The following SIL1 variants were observed in gnomAD, a reference collection of about 807,000 sequenced individuals.
SIL1 encodes SIL1 nucleotide exchange factor.
A neutral mutation model predicts 49.1 loss-of-function variants in SIL1; 40 were observed. The observed-to-expected ratio is 0.81, with a 90% CI of 0.63 to 1.06. The LOEUF is 1.06. Among genes scored for constraint, SIL1 ranks in the 50% least tolerant of loss-of-function variants. The pLI is 0.00. For synonymous variants in SIL1, 253 were observed against 250.8 expected, an observed-to-expected ratio of 1.01 and a Z score of -0.08; for missense variants, 500 against 572.6, an observed-to-expected ratio of 0.87 and a Z score of 1.29.
At chr5:139,047,063 G>T (rs76560954) in intron 4 of SIL1, among the ~76,000 whole-genome samples, 4,710 of 152,262 alleles carry the variant, frequency 0.031, 102 homozygotes, top group Middle Eastern at 0.054. Context: ...GAAGTAAATG[G>T]CCCTGTCCTT....
chr5:138,958,956 T>C (rs1008856491), intron 7 of SIL1, among the ~76,000 whole-genome samples: 17 of 152,228 alleles, frequency 1.1e-4, no homozygotes, highest in African/African-American at 4.1e-4. Flanking sequence ...TAGATTCTTA[T>C]TTAATCTATG....
intron 6 of SIL1, among the ~76,000 whole-genome samples, chr5:139,023,289 C>T (rs1421316228): frequency 2.0e-5 from 3 of 152,136 alleles, no homozygotes; most frequent in East Asian, 1.9e-4. Flanking sequence ...CTCCCCATCT[C>T]GGTCTGGGGC....
chr5:138,983,138 G>A (rs1427840155), intron 7 of SIL1, among the ~76,000 whole-genome samples: 1 of 141,910 alleles, frequency 7.0e-6, no homozygotes, highest in Non-Finnish European at 1.5e-5. Flanking sequence ...GGCAGAGGGT[G>A]CAGTGAGCCA....
intron 1 of SIL1, among the ~76,000 whole-genome samples, chr5:139,153,158 C>T (rs868549883): frequency 1.3e-4 from 20 of 152,178 alleles, no homozygotes; most frequent in African/African-American, 4.1e-4. Flanking sequence ...ATGCTGAAGA[C>T]ATCTCGTCTC....
intron 4 of SIL1, among the ~76,000 whole-genome samples, chr5:139,044,015 T>C (rs1769100873): frequency 1.3e-5 from 2 of 152,184 alleles, no homozygotes; most frequent in African/African-American, 2.4e-5. Flanking sequence ...TCAGCTCTCA[T>C]GTACCAAGGG....
intron 1 of SIL1, among the ~76,000 whole-genome samples, chr5:139,169,476 ATTTT>A (rs70982754): frequency 5.7e-5 from 8 of 139,610 alleles, no homozygotes; most frequent in Admixed American, 1.4e-4. Flanking sequence ...ATATAGATAG[ATTTT>A]TTTTTTTTTT....
intron 1 of SIL1, among the ~76,000 whole-genome samples, chr5:139,153,804 G>A (rs562310029): frequency 6.6e-5 from 10 of 152,310 alleles, no homozygotes; most frequent in East Asian, 1.9e-4. Context: ...GTGTCATAAC[G>A]GTGAGGTATC....
At chr5:139,070,882 T>A (rs1336535154) in intron 3 of SIL1, among the ~76,000 whole-genome samples, 1 of 152,080 alleles carries the variant, frequency 6.6e-6, no homozygotes, top group African/African-American at 2.4e-5. Flanking sequence ...ATAATATATA[T>A]GGGGAAATAC....
intron 7 of SIL1, among the ~76,000 whole-genome samples, chr5:138,981,350 C>T (rs894768056): frequency 1.6e-4 from 25 of 152,080 alleles, no homozygotes; most frequent in African/African-American, 6.0e-4. Context: ...AGGTTCTCAA[C>T]AGTCTCCAAA....
chr5:139,068,235 G>A (rs1403192822), intron 3 of SIL1, among the ~76,000 whole-genome samples: 2 of 152,192 alleles, frequency 1.3e-5, no homozygotes, highest in Admixed American at 6.5e-5. Flanking sequence ...CAAAGGTATT[G>A]GGAAGCAACA....
At position 139,194,212 on chromosome 5, in the gene SIL1, A is replaced by C. The variant is rs1478738125; in HGVS notation, c.-11+4057T>G. 3.9e-5 allele frequency among the ~76,000 whole-genome samples: 6 copies of C among 152,316 alleles called. No homozygotes were observed. The South Asian group carries it at 1.0e-3, about 26-fold the overall frequency. Reference sequence around the variant, plus strand: ...ACTGGATTCTGGGTACAAATTTGCAAAAGTAAGAATGCCAGGTGTAAACTC... The same window carrying C: ...ACTGGATTCTGGGTACAAATTTGCACAAGTAAGAATGCCAGGTGTAAACTC... On this transcript the variant is annotated intron_variant, in intron 1 of 9. Coordinates refer to ENST00000394817, the MANE Select transcript of SIL1 (RefSeq NM_022464.5).
At chr5:139,058,970 A>ATGTGTGTGTGTGTGTGTG (rs61070788) in intron 3 of SIL1, among the ~76,000 whole-genome samples, 5,699 of 150,300 alleles carry the variant, frequency 0.038, 119 homozygotes, top group Middle Eastern at 0.051. Flanking sequence ...AGAAATGTGT[A>ATGTGTGTGTGTGTGTGTG]TGTGTGTGTG....
chr5:139,092,584 C>A (rs570105680), intron 3 of SIL1, among the ~76,000 whole-genome samples: 1 of 152,270 alleles, frequency 6.6e-6, no homozygotes, highest in African/African-American at 2.4e-5. Context: ...CAGGAACAGG[C>A]CTTTGTTCAG....
chr5:138,988,465 C>T lies in SIL1; in HGVS notation c.767+32706G>A, dbSNP rs117657646. Among the ~76,000 whole-genome samples, 73 of 152,316 alleles carry T rather than the reference C, an allele frequency of 4.8e-4. No individual in the cohort carries two copies. The East Asian group carries it at 0.013, about 28-fold the overall frequency. On this transcript the variant is annotated intron_variant, in intron 7 of 9. Coordinates refer to ENST00000394817, the MANE Select transcript of SIL1 (RefSeq NM_022464.5). ...ATCAGTAATCACTTCTTAGACACAA[C>T]AATCAAATACCTCCTTCGTTTAAAC...
chr5:139,032,690 G>A (rs1581045121), intron 5 of SIL1, among the ~76,000 whole-genome samples: 1 of 152,086 alleles, frequency 6.6e-6, no homozygotes, highest in Admixed American at 6.6e-5. Flanking sequence ...ATCTGAACCT[G>A]GAGACTTCCT....
intron 6 of SIL1, among the ~76,000 whole-genome samples, chr5:139,023,462 T>C (rs1050567433): frequency 8.5e-5 from 13 of 152,326 alleles, no homozygotes; most frequent in Middle Eastern, 3.4e-3. Flanking sequence ...GGAAAAATGG[T>C]GGCACACAGC....
intron 3 of SIL1, among the ~76,000 whole-genome samples, chr5:139,084,099 T>C (rs1770154883): frequency 1.3e-5 from 2 of 150,526 alleles, no homozygotes; most frequent in East Asian, 3.9e-4. Flanking sequence ...TAGTATAGTT[T>C]GAAGTCAGGT....
chr5:139,024,871 C>G (rs559118179), intron 6 of SIL1, among the ~76,000 whole-genome samples: 11 of 152,328 alleles, frequency 7.2e-5, no homozygotes, highest in Admixed American at 5.9e-4. Flanking sequence ...TCTCTCTGAG[C>G]TGTATGTACT....
intron 3 of SIL1, among the ~76,000 whole-genome samples, chr5:139,086,643 C>T (rs1022544235): frequency 1.6e-4 from 25 of 151,740 alleles, no homozygotes; most frequent in African/African-American, 6.0e-4. Flanking sequence ...AGGCATAAGC[C>T]ACCGCGCCTG....
Sources: gnomAD v4.1 joint callset for allele counts (sites outside exome capture counted in the v4.1 genomes callset) on GRCh38, gnomAD v4.1.1 for gene constraint, MANE v1.5 for transcripts, NCBI Gene and HGNC (gene_info 2026-07-23, HGNC 2026-07-21) for gene names.